SUPV3L1: variants seen among roughly 807,000 people sequenced by gnomAD.
SUPV3L1 encodes ATP-dependent RNA helicase SUPV3L1, mitochondrial.
In SUPV3L1, 35 loss-of-function variants were observed where a neutral mutation model predicts 70.0. That is an observed-to-expected ratio of 0.50 (90% CI 0.38 to 0.66). The LOEUF (loss-of-function observed/expected upper bound fraction) is 0.66. Among genes scored for constraint, SUPV3L1 ranks in the 30% least tolerant of loss-of-function variants. The probability of loss-of-function intolerance (pLI) is 0.00; values close to 1 mark genes in which losing one functional copy is unlikely to be tolerated. For synonymous variants in SUPV3L1, 364 were observed against 341.9 expected (o/e 1.06, Z -0.71); for missense variants, 777 against 961.5 (o/e 0.81, Z 2.54).
rs372218148 is a variant in SUPV3L1, at chr10:69,198,495, C to T, written c.1147C>T (p.Arg383Trp). ...FSKNDIYSVSRQIEIRGLESA... is the reference protein window; with the variant it reads ...FSKNDIYSVSWQIEIRGLESA... ...CAAGAATGATATTTATTCTGTGAGT[C>T]GGCAGATTGAAATTCGGGGATTAGA... is the stretch of plus-strand genomic sequence containing the variant. Residue 383 changes from arginine (R) to tryptophan (W), a missense_variant, in exon 9 of 15, where the codon CGG (arginine) becomes TGG (tryptophan). By Grantham distance (101) the Arg-to-Trp change is moderately radical. Around this residue, in one of 2 missense-constraint regions of SUPV3L1, gnomAD observed 619 missense variants for 823.3 expected, o/e 0.75. Coordinates refer to ENST00000359655, the MANE Select transcript of SUPV3L1 (RefSeq NM_003171.5). 40 of 1,613,898 alleles carry T rather than the reference C, an allele frequency of 2.5e-5. No individual in the cohort carries two copies. The highest frequency in any genetic ancestry group is 3.3e-5 in the Admixed American group (2 of 59,968).
chr10:69,198,057 A>G (rs1842587886), intron 8 of SUPV3L1, among the ~76,000 whole-genome samples: 1 of 152,180 alleles, frequency 6.6e-6, no homozygotes, highest in African/African-American at 2.4e-5. Context: ...CAGTTTTACT[A>G]TTTTATAAAA....
At chr10:69,187,783 A>C (rs1174750419) in intron 4 of SUPV3L1, 27 bp downstream of exon 4, 4 of 1,455,486 alleles carry the variant, frequency 2.7e-6, no homozygotes, top group Non-Finnish European at 3.8e-6. Context: ...GTGGATTTGA[A>C]ATTTTCAGTT....
At chr10:69,198,622 TA>T (rs1222359551) in intron 9 of SUPV3L1, 70 bp downstream of exon 9, 7 of 1,465,310 alleles carry the variant, frequency 4.8e-6, no homozygotes, top group South Asian at 2.5e-5. Flanking sequence ...GAGATATATA[TA>T]AAAAAATGGT....
chr10:69,203,497 C>T (rs1034452918), intron 13 of SUPV3L1, among the ~76,000 whole-genome samples: 8 of 151,932 alleles, frequency 5.3e-5, no homozygotes, highest in South Asian at 2.1e-4. Flanking sequence ...AACCCTGTCT[C>T]TACTAAAAAT....
intron 4 of SUPV3L1, 51 bp from the exon 5 acceptor site, chr10:69,189,216 G>C: frequency 6.5e-7 from 1 of 1,541,966 alleles, no homozygotes; most frequent in Non-Finnish European, 8.8e-7. Flanking sequence ...GTCTTTGCCA[G>C]GATGGATTTT....
chr10:69,206,054 C>G (rs1842820696), intron 13 of SUPV3L1, among the ~76,000 whole-genome samples: 2 of 152,014 alleles, frequency 1.3e-5, no homozygotes, highest in African/African-American at 4.8e-5. Flanking sequence ...GGGCATCTCT[C>G]CCTGCTCTCT....
chr10:69,203,677 A>C (rs1842745351), intron 13 of SUPV3L1, among the ~76,000 whole-genome samples: 1 of 150,994 alleles, frequency 6.6e-6, no homozygotes, highest in African/African-American at 2.4e-5. Flanking sequence ...AAAAAAAAAA[A>C]CAAAACTCTA....
chr10:69,183,971 T>C (rs1842142258), intron 1 of SUPV3L1, among the ~76,000 whole-genome samples: 1 of 151,838 alleles, frequency 6.6e-6, no homozygotes, highest in Admixed American at 6.6e-5. Flanking sequence ...TATAGTGTCA[T>C]ATAGTATTGG....
rs1842229914 is a variant in SUPV3L1, at chr10:69,186,332, AAAAAAAAAAAAAG to A, written c.350-101_350-89del. ...ATAAACCAGCTGTACTGCCAAAAAAAAAAAAAAAAAAAGAAAAAAAAAGACTCTTTGATGAGTT... is the reference window on the plus strand; with the variant it reads ...ATAAACCAGCTGTACTGCCAAAAAAAAAAAAAAAAGACTCTTTGATGAGTT... On this transcript the variant is annotated intron_variant, in intron 2 of 14. Coordinates refer to ENST00000359655, the MANE Select transcript of SUPV3L1 (RefSeq NM_003171.5). 8.7e-6 allele frequency: 6 copies of A among 686,810 alleles called. 1 individual carries two copies. The highest frequency in any genetic ancestry group is 5.3e-5 in the South Asian group (3 of 56,298). 42.5% of individuals were successfully genotyped at this position (686,810 alleles called of 1,614,324 possible).
At chr10:69,196,935 T>G (rs1290821247) in intron 7 of SUPV3L1, 57 bp from the exon 8 acceptor site, 1 of 1,471,188 alleles carries the variant, frequency 6.8e-7, no homozygotes, top group African/African-American at 1.4e-5. Context: ...CTATGTAAAA[T>G]GTTGTATATT....
chr10:69,192,213 G>C (rs560853601), intron 6 of SUPV3L1: 2 of 153,154 alleles, frequency 1.3e-5, no homozygotes, highest in Admixed American at 1.3e-4. Context: ...TATGACAAAC[G>C]TGCGATCCTG....
intron 6 of SUPV3L1, 24 bp downstream of exon 6, chr10:69,191,790 CTA>C (rs1344454704): frequency 6.5e-7 from 1 of 1,529,758 alleles, no homozygotes; most frequent in South Asian, 1.2e-5. Flanking sequence ...GTTTAAGAAA[CTA>C]TGGTTTGGTA....
intron 7 of SUPV3L1, 52 bp downstream of exon 7, chr10:69,195,317 A>G (rs761678842): frequency 2.9e-6 from 4 of 1,396,494 alleles, no homozygotes; most frequent in South Asian, 1.5e-5. Context: ...CTGCGCTGAG[A>G]TGCATTTTTA....
Position 69,202,849 on chromosome 10 carries a change from T to C in SUPV3L1, c.1600-18T>C. ...TTCACTTAGGCAGTCCAGTAATTTCTGTCTTTTTTTCCCCAAGGATATTTT... is the reference window on the plus strand; with the variant it reads ...TTCACTTAGGCAGTCCAGTAATTTCCGTCTTTTTTTCCCCAAGGATATTTT... On this transcript the variant is annotated intron_variant, in intron 12 of 14. Coordinates refer to ENST00000359655, the MANE Select transcript of SUPV3L1 (RefSeq NM_003171.5). 1.9e-6 allele frequency: 3 copies of C among 1,607,212 alleles called. No individual in the cohort carries two copies. Among genetic ancestry groups the C allele is most frequent in the Non-Finnish European group, 2.6e-6 (3 of 1,176,014 alleles).
At position 69,200,353 on chromosome 10, in the gene SUPV3L1, C is replaced by T; in HGVS notation, c.1372C>T (p.Pro458Ser). The stretch of plus-strand genomic sequence containing the variant: ...TGAAAAGGGAGAGAGAGAACTAGAA[C>T]CAATCACAACCTCTCAAGCCCTGCA... ...INEKGERELEPITTSQALQIA... is the reference protein window; with the variant it reads ...INEKGERELESITTSQALQIA... The change falls in exon 11 of 15, where the codon CCA (proline) becomes TCA (serine). Residue 458 changes from proline to serine, a missense_variant. Physicochemically the swap from Pro to Ser is moderately conservative, Grantham distance 74. Around this residue, in one of 2 missense-constraint regions of SUPV3L1, gnomAD observed 619 missense variants for 823.3 expected, o/e 0.75. Transcript: ENST00000359655. 1.2e-6 allele frequency: 2 copies of T among 1,614,078 alleles called. No homozygotes were observed. Among genetic ancestry groups the T allele is most frequent in the South Asian group, 1.1e-5 (1 of 91,084 alleles).
chr10:69,186,213 G>A, intron 2 of SUPV3L1, 149 bp downstream of exon 2: 2 of 791,236 alleles, frequency 2.5e-6, no homozygotes, highest in South Asian at 3.5e-5. Flanking sequence ...AGACTGGCGA[G>A]GCTCACCTGG....
At chr10:69,202,618 GA>G (rs1203701833) in intron 12 of SUPV3L1, 99 bp downstream of exon 12, 14 of 1,271,092 alleles carry the variant, frequency 1.1e-5, no homozygotes, top group Non-Finnish European at 1.5e-5. Context: ...CTGCCTTTGA[GA>G]AGTTGCTATT....
At position 69,194,648 on chromosome 10, in the gene SUPV3L1, G is replaced by A. The variant is rs573134446; in HGVS notation, c.854-540G>A. ...TAAAATTAGCTGGTCATGGTGCTGC[G>A]TGCCTGTAGTCCCAGCTGCTTGGAA... On this transcript the variant is annotated intron_variant, in intron 6 of 14. Coordinates refer to ENST00000359655, the MANE Select transcript of SUPV3L1 (RefSeq NM_003171.5). 5.3e-5 allele frequency among the ~76,000 whole-genome samples: 8 copies of A among 151,720 alleles called. No homozygotes were observed. In the East Asian group the frequency reaches 5.8e-4, roughly 11 times the overall value.
intron 12 of SUPV3L1, 130 bp downstream of exon 12, chr10:69,202,649 G>A: frequency 8.8e-7 from 1 of 1,141,672 alleles, no homozygotes; most frequent in Non-Finnish European, 1.2e-6. Context: ...TATTTTACAA[G>A]TGAAAATTTT....
Sources: gnomAD v4.1 joint callset for allele counts (sites outside exome capture counted in the v4.1 genomes callset) on GRCh38, gnomAD v4.1.1 for gene constraint, gnomAD v4.1.1 regional missense constraint, MANE v1.5 for transcripts, NCBI Gene and HGNC (gene_info 2026-07-23, HGNC 2026-07-21) for gene names.